Variants in RCL1 observed in about 807,000 individuals in gnomAD.
The protein encoded by RCL1 is RNA terminal phosphate cyclase like 1.
RCL1 carries 24 observed loss-of-function variants against 42.4 expected under a neutral mutation model. The ratio of observed to expected loss-of-function variants is 0.57; its 90% CI spans 0.41 to 0.80. The LOEUF (loss-of-function observed/expected upper bound fraction) is 0.80, where lower values mean the gene tolerates loss of function less well. Among genes scored for constraint, RCL1 ranks in the 30% least tolerant of loss-of-function variants. The pLI is 0.00. For synonymous variants in RCL1, 228 were observed against 177.3 expected, an observed-to-expected ratio of 1.29 and a Z score of -2.27; for missense variants, 578 against 467.9, an observed-to-expected ratio of 1.24 and a Z score of -2.17.
intron 1 of RCL1, among the ~76,000 whole-genome samples, chr9:4,807,183 G>T (rs533523133): frequency 6.6e-6 from 1 of 152,090 alleles, no homozygotes; most frequent in Non-Finnish European, 1.5e-5. Context: ...CTTGCTGGAC[G>T]TTGTCAATTT....
chr9:4,799,224 TA>T (rs1842960912), intron 1 of RCL1, among the ~76,000 whole-genome samples: 3 of 151,902 alleles, frequency 2.0e-5, no homozygotes, highest in Admixed American at 6.6e-5. Flanking sequence ...GCCTTCTGCC[TA>T]ACTGTCCCAA....
intron 3 of RCL1, chr9:4,827,414 C>G (rs1036795367): frequency 1.7e-5 from 9 of 518,800 alleles, no homozygotes; most frequent in Admixed American, 1.1e-4. Flanking sequence ...GGCAGGAGAT[C>G]ATAGCTCCTT....
Position 4,793,035 on chromosome 9 carries a change from G to A in RCL1, c.-57G>A, listed in dbSNP as rs868583571. ...CACCACCATCGGAGTCACGAGTCCC[G>A]CGTCTGTCCGAAGTCGCCGCTCTCG... On this transcript the variant is annotated 5_prime_UTR_variant, in exon 1 of 9. Transcript: ENST00000381750. 6 of 1,555,688 alleles carry A rather than the reference G, an allele frequency of 3.9e-6. No individual in the cohort carries two copies. In the Middle Eastern group the frequency reaches 1.0e-3, roughly 263 times the overall value.
intron 1 of RCL1, among the ~76,000 whole-genome samples, chr9:4,813,766 T>G (rs567402581): frequency 1.3e-5 from 2 of 152,098 alleles, no homozygotes; most frequent in Admixed American, 1.3e-4. Flanking sequence ...CTATTCACAA[T>G]AGGAAAGACT....
chr9:4,847,117 G>T (rs370175203), intron 7 of RCL1, among the ~76,000 whole-genome samples: 7 of 152,076 alleles, frequency 4.6e-5, no homozygotes, highest in African/African-American at 1.4e-4. Flanking sequence ...GACCTCAGGT[G>T]TTCCACCCGC....
chr9:4,817,764 T>C (rs1816435914), intron 1 of RCL1, among the ~76,000 whole-genome samples: 1 of 152,192 alleles, frequency 6.6e-6, no homozygotes, highest in Non-Finnish European at 1.5e-5. Flanking sequence ...CCCAAAGTGC[T>C]GGGATTACAG....
intron 1 of RCL1, among the ~76,000 whole-genome samples, chr9:4,814,939 T>C (rs921364539): frequency 2.0e-5 from 3 of 152,096 alleles, no homozygotes; most frequent in Non-Finnish European, 2.9e-5. Flanking sequence ...TATCATCTTA[T>C]TCTCTCATGG....
chr9:4,856,385 T>C (rs1817963141), intron 8 of RCL1, among the ~76,000 whole-genome samples: 2 of 152,194 alleles, frequency 1.3e-5, no homozygotes, highest in Admixed American at 6.5e-5. Flanking sequence ...AGTGCCTCTT[T>C]ACTGAGAACC....
intron 2 of RCL1, among the ~76,000 whole-genome samples, chr9:4,825,172 A>G (rs1816717169): frequency 6.6e-6 from 1 of 151,842 alleles, no homozygotes; most frequent in South Asian, 2.1e-4. Context: ...CATGAGCCAC[A>G]GTGCGTGGCC....
intron 7 of RCL1, among the ~76,000 whole-genome samples, chr9:4,848,854 A>G (rs1439116976): frequency 1.3e-5 from 2 of 152,198 alleles, no homozygotes; most frequent in Non-Finnish European, 2.9e-5. Context: ...TAGTAAGAAT[A>G]AAGGGATCTA....
intron 8 of RCL1, among the ~76,000 whole-genome samples, chr9:4,858,791 G>T (rs1316268569): frequency 6.6e-6 from 1 of 152,196 alleles, no homozygotes; most frequent in Admixed American, 6.5e-5. Flanking sequence ...TGGCTGGTTT[G>T]ATTGGGAGAC....
chr9:4,850,076 A>G (rs1817675170), intron 8 of RCL1, among the ~76,000 whole-genome samples: 3 of 152,178 alleles, frequency 2.0e-5, no homozygotes, highest in Non-Finnish European at 4.4e-5. Flanking sequence ...AAAAGCAAGC[A>G]CTCTTCAAAA....
intron 1 of RCL1, among the ~76,000 whole-genome samples, chr9:4,812,016 C>T (rs1371009285): frequency 6.6e-6 from 1 of 152,192 alleles, no homozygotes; most frequent in East Asian, 1.9e-4. Context: ...GTCTATTCAG[C>T]TTTTTTGCTG....
Position 4,792,977 on chromosome 9 carries a change from AG to A in RCL1, c.-114del. On this transcript the variant is annotated 5_prime_UTR_variant, in exon 1 of 9. Transcript: ENST00000381750. ...TGGACGCGTCTGGGCTGCTGGAGGC[AG>A]CCCGAGCCGCCGCCGTCGGTGTCGC... 1 of 1,239,176 alleles carries A rather than the reference AG, an allele frequency of 8.1e-7. No homozygotes were observed. Among genetic ancestry groups the A allele is most frequent in the Non-Finnish European group, 1.1e-6 (1 of 908,162 alleles). The allele number at this position is 1,239,176 out of a possible 1,614,324, so 76.8% of individuals were successfully genotyped here.
rs77618842 is a variant in RCL1 at position 4,828,354 on chromosome 9, G to C, written c.384+1321G>C. Among the ~76,000 whole-genome samples the C allele has an allele frequency of 4.2e-3, 642 of 152,048 alleles. 5 individuals carry two copies. Among genetic ancestry groups the C allele is most frequent in the African/African-American group, 0.015 (609 of 41,458 alleles). On this transcript the variant is annotated intron_variant, in intron 3 of 8. Transcript: ENST00000381750. ...TGTGAGCCCCAAAGTAGAGATTGCT[G>C]GTATTCATCAAGATACCTACTAGGG...
intron 1 of RCL1, among the ~76,000 whole-genome samples, chr9:4,822,546 G>C (rs1386926140): frequency 1.3e-5 from 2 of 152,068 alleles, no homozygotes; most frequent in African/African-American, 4.8e-5. Context: ...GCCCAGGCTT[G>C]GTGGCTCACG....
intron 6 of RCL1, 87 bp downstream of exon 6, chr9:4,841,444 G>T: frequency 9.6e-7 from 1 of 1,044,118 alleles, no homozygotes; most frequent in East Asian, 2.4e-5. Flanking sequence ...CTCTGAGGTT[G>T]CGCAGCCAGA....
At chr9:4,827,761 CGTGTGTGTGTGT>C (rs59604765) in intron 3 of RCL1, among the ~76,000 whole-genome samples, 1 of 147,558 alleles carries the variant, frequency 6.8e-6, no homozygotes, top group Non-Finnish European at 1.5e-5. Context: ...TGTGTGCACG[CGTGTGTGTGTGT>C]GTGTGTGAGA....
At chr9:4,810,345 C>G (rs1056825139) in intron 1 of RCL1, among the ~76,000 whole-genome samples, 6 of 152,114 alleles carry the variant, frequency 3.9e-5, no homozygotes, top group Non-Finnish European at 5.9e-5. Context: ...ACACCATTCC[C>G]TCCCACTGCC....
Sources: gnomAD v4.1 joint callset for allele counts (sites outside exome capture counted in the v4.1 genomes callset) on GRCh38, gnomAD v4.1.1 for gene constraint, MANE v1.5 for transcripts, NCBI Gene and HGNC (gene_info 2026-07-23, HGNC 2026-07-21) for gene names.